DLGAP2: variants seen among roughly 807,000 people sequenced by gnomAD.
DLGAP2 encodes disks large-associated protein 2.
Under a neutral mutation model 100.3 loss-of-function variants are expected in DLGAP2, and 26 were observed. The observed-to-expected ratio is 0.26, with a 90% CI of 0.19 to 0.36. The LOEUF is 0.36. Among genes scored for constraint, DLGAP2 ranks in the 10% least tolerant of loss-of-function variants. DLGAP2 has a pLI of 1.00. For synonymous variants in DLGAP2, 886 were observed against 630.1 expected (o/e 1.41, Z -6.08); for missense variants, 1,858 against 1,453.2 (o/e 1.28, Z -4.53).
chr8:1,148,421 AT>A lies in DLGAP2; in HGVS notation c.74-110423del, dbSNP rs200128149. 6.7e-3 allele frequency among the ~76,000 whole-genome samples: 1,011 copies of A among 150,464 alleles called. 9 individuals are homozygous for A. Among genetic ancestry groups the A allele is most frequent in the African/African-American group, 0.023 (950 of 41,128 alleles). On this transcript the variant is annotated intron_variant, in intron 2 of 14. Coordinates refer to ENST00000637795, the MANE Select transcript of DLGAP2 (RefSeq NM_001346810.2). ...AGAATAATATTTTTTGATTTTGTTG[AT>A]TTTTTTCCCTACACTGTGTTTTTAA...
At chr8:890,950 C>A (rs1798022128) in intron 1 of DLGAP2, among the ~76,000 whole-genome samples, 1 of 152,158 alleles carries the variant, frequency 6.6e-6, no homozygotes, top group African/African-American at 2.4e-5. Context: ...CCCTTACTGG[C>A]TCCCCCTTGT....
In DLGAP2 at chr8:1,215,834, A is replaced by T. The variant is rs570121083; in HGVS notation, c.74-43017A>T. 2.9e-5 allele frequency among the ~76,000 whole-genome samples: 4 copies of T among 137,616 alleles called. No homozygotes were observed. In the South Asian group the frequency reaches 9.2e-4, roughly 32 times the overall value. 90.3% of individuals were successfully genotyped at this position (137,616 alleles called of 152,430 possible). A position where few individuals can be genotyped will look rare whatever the true frequency, so the allele number is the denominator to read the frequency against. Reference sequence around the variant, plus strand: ...TTCGGTGCATCACCTGGAGACGTCCAGGTACCTGGATGGGTTCATTTGGGT... The same window carrying T: ...TTCGGTGCATCACCTGGAGACGTCCTGGTACCTGGATGGGTTCATTTGGGT... On this transcript the variant is annotated intron_variant, in intron 2 of 14. Transcript: ENST00000637795.
chr8:1,243,013 A>T (rs1411488987), intron 2 of DLGAP2, among the ~76,000 whole-genome samples: 2 of 152,182 alleles, frequency 1.3e-5, no homozygotes, highest in Non-Finnish European at 2.9e-5. Context: ...CTGGGGAGCC[A>T]TTCCTGACCA....
At chr8:1,115,718 A>G (rs77004722) in intron 2 of DLGAP2, among the ~76,000 whole-genome samples, 13,792 of 152,198 alleles carry the variant, frequency 0.091, 1,836 homozygotes, top group African/African-American at 0.29. Flanking sequence ...ACCACTGGCT[A>G]TGTAGAGTTA....
chr8:1,555,471 G>A (rs936125102), intron 5 of DLGAP2, among the ~76,000 whole-genome samples: 3 of 152,160 alleles, frequency 2.0e-5, no homozygotes, highest in Non-Finnish European at 4.4e-5. Context: ...CTGGGCCACC[G>A]CTTCCCCCCG....
intron 3 of DLGAP2, among the ~76,000 whole-genome samples, chr8:1,434,138 G>T (rs1368838836): frequency 1.3e-5 from 2 of 152,168 alleles, no homozygotes; most frequent in Admixed American, 1.3e-4. Flanking sequence ...AGGGCTGAGG[G>T]TTTCGCATTG....
intron 2 of DLGAP2, among the ~76,000 whole-genome samples, chr8:1,054,406 C>T (rs1040235221): frequency 7.9e-5 from 12 of 152,142 alleles, no homozygotes; most frequent in African/African-American, 2.7e-4. Flanking sequence ...CTCTTGGCTC[C>T]AAGCATCTTA....
intron 2 of DLGAP2, among the ~76,000 whole-genome samples, chr8:1,036,687 T>C (rs1802135380): frequency 6.6e-6 from 1 of 152,072 alleles, no homozygotes; most frequent in African/African-American, 2.4e-5. Flanking sequence ...AGCTGTCGTG[T>C]ACATGGCAGG....
chr8:1,469,351 G>C (rs1212181091), intron 3 of DLGAP2, among the ~76,000 whole-genome samples: 1 of 152,208 alleles, frequency 6.6e-6, no homozygotes, highest in Admixed American at 6.5e-5. Flanking sequence ...GAGCGAAGCG[G>C]GCTTTATTCT....
At chr8:1,538,511 A>G (rs1311953285) in intron 4 of DLGAP2, among the ~76,000 whole-genome samples, 1 of 152,170 alleles carries the variant, frequency 6.6e-6, no homozygotes, top group Non-Finnish European at 1.5e-5. Flanking sequence ...AGACTGCATG[A>G]TAAGATAACC....
intron 3 of DLGAP2, among the ~76,000 whole-genome samples, chr8:1,484,712 T>A (rs1799194116): frequency 6.6e-6 from 1 of 152,262 alleles, no homozygotes; most frequent in South Asian, 2.1e-4. Context: ...TAAACTCTTA[T>A]GGGAGATCCA....
rs112325957 is a variant in DLGAP2 at position 767,278 on chromosome 8, G to C, written c.18+29453G>C. ...CCAGCCTGGTGAGCCACAGTTGTGG[G>C]AGGAAGTCAAGCAGTTCAAGGATGC... On this transcript the variant is annotated intron_variant, in intron 1 of 14. Transcript: ENST00000637795. 3.7e-3 allele frequency among the ~76,000 whole-genome samples: 566 copies of C among 151,882 alleles called. 1 individual carries two copies. The highest frequency in any genetic ancestry group is 0.013 in the African/African-American group (546 of 41,424).
rs182755150 is a variant in DLGAP2 at position 1,323,380 on chromosome 8, C to T, written c.106+64497C>T. Among the ~76,000 whole-genome samples the T allele has an allele frequency of 2.0e-4, 30 of 152,248 alleles. No individual in the cohort carries two copies. The East Asian group carries it at 3.9e-3, about 20-fold the overall frequency. ...TTAAACAACCACGATGCACATCCTCCGGGAGGAAAGGTGGTTAAACCGCTT... is the reference window on the plus strand; with the variant it reads ...TTAAACAACCACGATGCACATCCTCTGGGAGGAAAGGTGGTTAAACCGCTT... On this transcript the variant is annotated intron_variant, in intron 3 of 14. Transcript: ENST00000637795.
intron 8 of DLGAP2, among the ~76,000 whole-genome samples, chr8:1,655,785 G>T (rs1308978362): frequency 8.5e-5 from 13 of 152,226 alleles, no homozygotes; most frequent in African/African-American, 3.1e-4. Flanking sequence ...GGACCTTCAT[G>T]ATCAGAGTCC....
intron 2 of DLGAP2, among the ~76,000 whole-genome samples, chr8:1,200,203 G>C (rs929816361): frequency 2.0e-5 from 3 of 152,196 alleles, no homozygotes; most frequent in African/African-American, 7.2e-5. Flanking sequence ...GCAGCACCGG[G>C]TGTCACCTTC....
chr8:1,234,758 G>T (rs912212360), intron 2 of DLGAP2, among the ~76,000 whole-genome samples: 40 of 152,176 alleles, frequency 2.6e-4, no homozygotes, highest in Non-Finnish European at 4.0e-4. Flanking sequence ...TAGGTGGTTA[G>T]GATCAAGCTG....
intron 2 of DLGAP2, among the ~76,000 whole-genome samples, chr8:1,233,696 G>T (rs933343131): frequency 6.6e-6 from 1 of 152,188 alleles, no homozygotes; most frequent in Non-Finnish European, 1.5e-5. Context: ...GCCTAAGAGT[G>T]TGTTGAGCAC....
intron 2 of DLGAP2, among the ~76,000 whole-genome samples, chr8:1,008,905 C>G (rs1363039107): frequency 2.6e-5 from 4 of 152,250 alleles, no homozygotes. Context: ...TTCTGACACC[C>G]AGATGCAACC....
chr8:806,674 G>T (rs2132664157), intron 1 of DLGAP2, among the ~76,000 whole-genome samples: 1 of 152,280 alleles, frequency 6.6e-6, no homozygotes, highest in East Asian at 1.9e-4. Context: ...CTTTCTCGTG[G>T]GAACTTTTCA....
Sources: allele counts gnomAD v4.1 joint callset (sites outside exome capture counted in the v4.1 genomes callset), GRCh38; gene constraint gnomAD v4.1.1; transcripts MANE v1.5; gene names NCBI Gene and HGNC (gene_info 2026-07-23, HGNC 2026-07-21).